The following GNB4 variants were observed in gnomAD, a reference collection of about 807,000 sequenced individuals.
GNB4 encodes the protein G protein subunit beta 4.
GNB4 carries 28 observed loss-of-function variants against 45.2 expected under a neutral mutation model. The ratio of observed to expected loss-of-function variants is 0.62; its 90% CI spans 0.46 to 0.85. The LOEUF is 0.85. GNB4 is among the 40% of genes least tolerant of loss of function. GNB4 has a pLI of 0.00. For synonymous variants in GNB4, 132 were observed against 143.7 expected (o/e 0.92, Z 0.58); for missense variants, 321 against 425.4 (o/e 0.75, Z 2.16).
At chr3:179,433,961 C>T (rs1265783032) in intron 1 of GNB4, among the ~76,000 whole-genome samples, 5 of 152,136 alleles carry the variant, frequency 3.3e-5, no homozygotes, top group Admixed American at 3.3e-4. Context: ...AATGTCATGC[C>T]TATTAGATTA....
At chr3:179,470,393 G>A in the GNB4 span, among the ~76,000 whole-genome samples, 2 of 151,746 alleles carry the variant, frequency 1.3e-5, no homozygotes, top group Non-Finnish European at 1.5e-5. Flanking sequence ...TGATATTGAT[G>A]ACCCCAACCC....
At chr3:179,475,825 A>G in the GNB4 span, among the ~76,000 whole-genome samples, 1 of 152,234 alleles carries the variant, frequency 6.6e-6, no homozygotes, top group Non-Finnish European at 1.5e-5. Flanking sequence ...CACTCCTGCA[A>G]TAATGACATT....
the GNB4 span, among the ~76,000 whole-genome samples, chr3:179,509,620 G>A: frequency 1.5e-4 from 23 of 150,634 alleles, no homozygotes; most frequent in African/African-American, 5.4e-4. Flanking sequence ...ATAGACCCTT[G>A]GCCTCCATTC....
At chr3:179,499,243 C>T in the GNB4 span, among the ~76,000 whole-genome samples, 157 of 151,134 alleles carry the variant, frequency 1.0e-3, no homozygotes, top group African/African-American at 2.7e-3. Context: ...CTGCAAGCTC[C>T]GCCTCCCAGG....
intron 1 of GNB4, among the ~76,000 whole-genome samples, chr3:179,437,514 G>C (rs1030565373): frequency 1.6e-4 from 25 of 151,608 alleles, no homozygotes; most frequent in African/African-American, 5.6e-4. Flanking sequence ...GCAGTGAGCG[G>C]AAGATTGCAC....
chr3:179,522,485 G>C, the GNB4 span, among the ~76,000 whole-genome samples: 3,373 of 143,340 alleles, frequency 0.024, 64 homozygotes, highest in Non-Finnish European at 0.036. Flanking sequence ...GCGAGTGAAA[G>C]AAGGCATATT....
rs559503888 is a variant in GNB4 at position 179,423,013 on chromosome 3, G to A, written c.58-2086C>T. Among the ~76,000 whole-genome samples, 57 of 152,092 alleles carry A rather than the reference G, an allele frequency of 3.7e-4. 1 individual carries two copies. The highest frequency in any genetic ancestry group is 1.4e-3 in the African/African-American group (57 of 41,486). Reference sequence around the variant, plus strand: ...TCACCATGTTAGCCAGGATGGTTTCGATCTCCTGACCTCGTGATCCACCCG... The same window carrying A: ...TCACCATGTTAGCCAGGATGGTTTCAATCTCCTGACCTCGTGATCCACCCG... On this transcript the variant is annotated intron_variant, in intron 2 of 9. Coordinates refer to ENST00000232564, the MANE Select transcript of GNB4 (RefSeq NM_021629.4).
intron 4 of GNB4, 62 bp downstream of exon 4, chr3:179,419,337 T>C (rs1714906493): frequency 3.0e-6 from 3 of 1,016,038 alleles, no homozygotes; most frequent in Non-Finnish European, 4.7e-6. Context: ...ATGCAAATGA[T>C]GGTTCTTAAT....
intron 1 of GNB4, among the ~76,000 whole-genome samples, chr3:179,441,313 C>T (rs1715588051): frequency 6.6e-6 from 1 of 152,224 alleles, no homozygotes; most frequent in Non-Finnish European, 1.5e-5. Flanking sequence ...TACACCTAGG[C>T]TCTATAGCAT....
chr3:179,513,014 C>T, the GNB4 span, among the ~76,000 whole-genome samples: 1 of 151,214 alleles, frequency 6.6e-6, no homozygotes, highest in Non-Finnish European at 1.5e-5. Context: ...TTTTATATCT[C>T]GTGGAACTCG....
chr3:179,465,051 C>T, the GNB4 span: 12 of 1,497,486 alleles, frequency 8.0e-6, no homozygotes, highest in South Asian at 1.4e-4. Context: ...CGATATACTT[C>T]CAAAGAGCAG....
chr3:179,424,236 T>C (rs1481619925), intron 2 of GNB4, among the ~76,000 whole-genome samples: 1 of 152,172 alleles, frequency 6.6e-6, no homozygotes, highest in Non-Finnish European at 1.5e-5. Flanking sequence ...TTAAATGAGA[T>C]AGGCATGTGG....
chr3:179,438,432 T>A (rs540065711), intron 1 of GNB4, among the ~76,000 whole-genome samples: 30 of 152,232 alleles, frequency 2.0e-4, no homozygotes, highest in Non-Finnish European at 3.7e-4. Flanking sequence ...GTTTTGGGAA[T>A]TAAATAATAC....
chr3:179,498,748 GGTTTTTTTT>G, the GNB4 span, among the ~76,000 whole-genome samples: 1 of 117,596 alleles, frequency 8.5e-6, no homozygotes, highest in Non-Finnish European at 1.7e-5. Context: ...GTTGAGGTTT[GGTTTTTTTT>G]TTTTTTTTTT....
At chr3:179,494,907 CAAAAAAAAAA>C in the GNB4 span, among the ~76,000 whole-genome samples, 3 of 33,992 alleles carry the variant, frequency 8.8e-5, no homozygotes, top group South Asian at 2.6e-3. Flanking sequence ...GACTCTGTCT[CAAAAAAAAAA>C]AAAAAAAAAA....
At position 179,430,116 on chromosome 3, in the gene GNB4, A is replaced by AG. The variant is rs57441641; in HGVS notation, c.-42-3875_-42-3874insC. 5.0e-3 allele frequency among the ~76,000 whole-genome samples: 717 copies of AG among 144,844 alleles called. 4 individuals are homozygous for AG. The highest frequency in any genetic ancestry group is 0.019 in the African/African-American group (679 of 36,524). On this transcript the variant is annotated intron_variant, in intron 1 of 9. Transcript: ENST00000232564. ...CAGACAGACAGACAGACAGACAGAC[A>AG]AAGGCCTCACTCTGCTGCCCAGGCT...
At chr3:179,496,550 G>C in the GNB4 span, among the ~76,000 whole-genome samples, 13 of 152,088 alleles carry the variant, frequency 8.5e-5, no homozygotes, top group Non-Finnish European at 1.5e-5. Flanking sequence ...ACATAAAGTG[G>C]CCGAACTGAT....
intron 6 of GNB4, 47 bp from the exon 7 acceptor site, chr3:179,413,828 AC>A: frequency 1.5e-6 from 2 of 1,366,004 alleles, no homozygotes; most frequent in Non-Finnish European, 2.1e-6. Context: ...TGATTGAATA[AC>A]TCAGTTACCA....
At chr3:179,474,737 C>CTTTTTTTTTTT in the GNB4 span, among the ~76,000 whole-genome samples, 228 of 59,732 alleles carry the variant, frequency 3.8e-3, 1 homozygote, top group Admixed American at 4.6e-3. Context: ...AGACTGGGTC[C>CTTTTTTTTTTT]TTTTTTTTTT....
Sources: allele counts gnomAD v4.1 joint callset (sites outside exome capture counted in the v4.1 genomes callset), GRCh38; gene constraint gnomAD v4.1.1; transcripts MANE v1.5; gene names NCBI Gene and HGNC (gene_info 2026-07-23, HGNC 2026-07-21).